Variants in LCLAT1 observed in about 807,000 individuals in gnomAD.
The protein encoded by LCLAT1 is lysocardiolipin acyltransferase 1.
LCLAT1 carries 11 observed loss-of-function variants against 30.7 expected under a neutral mutation model. That is an observed-to-expected ratio of 0.36 (90% CI 0.23 to 0.59). The LOEUF is 0.59. Among genes scored for constraint, LCLAT1 ranks in the 20% least tolerant of loss-of-function variants. The pLI is 0.77. For synonymous variants in LCLAT1, 155 were observed against 151.3 expected (o/e 1.02, Z -0.18); for missense variants, 402 against 458.6 (o/e 0.88, Z 1.13).
At chr2:30,577,335 G>C (rs1247205846) in intron 5 of LCLAT1, among the ~76,000 whole-genome samples, 3 of 152,020 alleles carry the variant, frequency 2.0e-5, no homozygotes, top group Non-Finnish European at 4.4e-5. Context: ...TTATGTAGGA[G>C]AGTAAAGCTT....
At chr2:30,515,439 G>A (rs1685132918) in intron 1 of LCLAT1, among the ~76,000 whole-genome samples, 1 of 152,202 alleles carries the variant, frequency 6.6e-6, no homozygotes, top group Non-Finnish European at 1.5e-5. Flanking sequence ...AGGAACTATA[G>A]GTATCCTTAA....
At chr2:30,519,730 A>C (rs1685381285) in intron 1 of LCLAT1, among the ~76,000 whole-genome samples, 1 of 152,196 alleles carries the variant, frequency 6.6e-6, no homozygotes, top group African/African-American at 2.4e-5. Context: ...AGTGATCAGG[A>C]TATAAACCCA....
intron 1 of LCLAT1, among the ~76,000 whole-genome samples, chr2:30,462,135 G>A (rs552995055): frequency 6.6e-6 from 1 of 152,230 alleles, no homozygotes; most frequent in Admixed American, 6.5e-5. Flanking sequence ...CATTACTGTA[G>A]GATAAAACCC....
intron 5 of LCLAT1, among the ~76,000 whole-genome samples, chr2:30,591,527 T>C (rs1666693104): frequency 6.6e-6 from 1 of 152,174 alleles, no homozygotes; most frequent in Admixed American, 6.5e-5. Flanking sequence ...AAGTAGTATG[T>C]TTAATTTTTA....
intron 5 of LCLAT1, among the ~76,000 whole-genome samples, chr2:30,601,393 T>C (rs1414550380): frequency 6.6e-6 from 1 of 152,188 alleles, no homozygotes; most frequent in East Asian, 1.9e-4. Context: ...CCAAGAGCTG[T>C]TGTAATATTT....
intron 1 of LCLAT1, among the ~76,000 whole-genome samples, chr2:30,455,953 A>G (rs1230444943): frequency 6.7e-6 from 1 of 149,136 alleles, no homozygotes; most frequent in Admixed American, 6.7e-5. Flanking sequence ...AGTGCTCCCT[A>G]CGCTTCTGTT....
intron 5 of LCLAT1, among the ~76,000 whole-genome samples, chr2:30,581,834 T>C (rs897200337): frequency 6.6e-6 from 1 of 152,200 alleles, no homozygotes; most frequent in Non-Finnish European, 1.5e-5. Flanking sequence ...TATAGTGTTC[T>C]ATAACACTGT....
intron 3 of LCLAT1, among the ~76,000 whole-genome samples, chr2:30,546,509 T>G (rs1303085695): frequency 6.6e-6 from 1 of 152,188 alleles, no homozygotes; most frequent in South Asian, 2.1e-4. Context: ...TACAGTGATA[T>G]GGGAATTGGA....
intron 3 of LCLAT1, among the ~76,000 whole-genome samples, chr2:30,556,015 C>G (rs1012438007): frequency 2.0e-5 from 3 of 151,920 alleles, no homozygotes; most frequent in Non-Finnish European, 2.9e-5. Context: ...AGGATGGTCT[C>G]AATCTCCTGA....
At chr2:30,594,131 TTATA>T (rs750613200) in intron 5 of LCLAT1, among the ~76,000 whole-genome samples, 4 of 152,124 alleles carry the variant, frequency 2.6e-5, no homozygotes, top group African/African-American at 4.8e-5. Flanking sequence ...TTCTTTTTCA[TTATA>T]AGCTTTATTG....
At chr2:30,636,043 T>C (rs1422471741) in intron 5 of LCLAT1, among the ~76,000 whole-genome samples, 1 of 152,134 alleles carries the variant, frequency 6.6e-6, no homozygotes, top group Non-Finnish European at 1.5e-5. Flanking sequence ...TGTACGTGCT[T>C]TAAGCATTCA....
chr2:30,601,896 G>C (rs933916602), intron 5 of LCLAT1, among the ~76,000 whole-genome samples: 1 of 114,612 alleles, frequency 8.7e-6, no homozygotes, highest in Non-Finnish European at 1.9e-5. Flanking sequence ...TATATCTATA[G>C]ATATATATAT....
chr2:30,617,033 C>G (rs1182721664), intron 5 of LCLAT1, among the ~76,000 whole-genome samples: 1 of 152,044 alleles, frequency 6.6e-6, no homozygotes, highest in African/African-American at 2.4e-5. Flanking sequence ...AAAAAAACAG[C>G]TTTTAGAGGT....
intron 5 of LCLAT1, among the ~76,000 whole-genome samples, chr2:30,605,180 T>C (rs781393891): frequency 1.2e-4 from 18 of 152,240 alleles, no homozygotes; most frequent in Admixed American, 7.9e-4. Flanking sequence ...GCATTTATAG[T>C]GCGGAGATTT....
intron 4 of LCLAT1, 59 bp from the exon 5 acceptor site, chr2:30,567,996 TCTTTC>T (rs1438579966): frequency 1.2e-6 from 1 of 854,342 alleles, no homozygotes; most frequent in Non-Finnish European, 1.9e-6. Context: ...ATTCTGCACT[TCTTTC>T]CTTACCTTGT....
At chr2:30,486,168 A>T (rs1295968687) in intron 1 of LCLAT1, among the ~76,000 whole-genome samples, 1 of 152,180 alleles carries the variant, frequency 6.6e-6, no homozygotes, top group Non-Finnish European at 1.5e-5. Context: ...TGCCTATGGG[A>T]TAAAGACTGA....
intron 4 of LCLAT1, among the ~76,000 whole-genome samples, chr2:30,565,328 C>T (rs758960387): frequency 2.0e-5 from 3 of 152,070 alleles, no homozygotes; most frequent in Non-Finnish European, 4.4e-5. Context: ...GAGGAGGGCA[C>T]TTCTGTCTTT....
At chr2:30,525,038 G>A (rs1474821904) in intron 1 of LCLAT1, among the ~76,000 whole-genome samples, 3 of 70,032 alleles carry the variant, frequency 4.3e-5, no homozygotes, top group Admixed American at 2.0e-4. Context: ...ATGGTTTTAT[G>A]TTAAAAAAAA....
At chr2:30,522,451 C>G (rs963705074) in intron 1 of LCLAT1, among the ~76,000 whole-genome samples, 1 of 152,080 alleles carries the variant, frequency 6.6e-6, no homozygotes. Flanking sequence ...CCATCAAACT[C>G]TTGAGACTTG....
Sources: allele counts gnomAD v4.1 joint callset (sites outside exome capture counted in the v4.1 genomes callset), GRCh38; gene constraint gnomAD v4.1.1; transcripts MANE v1.5; gene names NCBI Gene and HGNC (gene_info 2026-07-23, HGNC 2026-07-21).